EYS: variants seen among roughly 807,000 people sequenced by gnomAD.
The protein encoded by EYS is EGF-like photoreceptor maintenance factor.
Under a neutral mutation model 282.1 loss-of-function variants are expected in EYS, and 250 were observed. The observed-to-expected ratio is 0.89, with a 90% CI of 0.80 to 0.98. The LOEUF (loss-of-function observed/expected upper bound fraction) is 0.98, where lower values mean the gene tolerates loss of function less well. Among genes scored for constraint, EYS ranks in the 50% least tolerant of loss-of-function variants. The pLI is 0.00. For missense variants in EYS, 4,016 were observed against 3,709.0 expected (o/e 1.08, Z -2.15); for synonymous variants, 1,355 against 1,282.9 (o/e 1.06, Z -1.20).
At position 64,403,579 on chromosome 6, in the gene EYS, G is replaced by C. The variant is rs1005592761; in HGVS notation, c.5928-14739C>G. 3.3e-5 allele frequency among the ~76,000 whole-genome samples: 5 copies of C among 152,054 alleles called. No homozygotes were observed. In the East Asian group the frequency reaches 7.7e-4, roughly 24 times the overall value. ...TCACCATATTGGCCAGGCTGGTCTC[G>C]GACTCCTGACCTTGTGATCTGCCTG... On this transcript the variant is annotated intron_variant, in intron 28 of 42. Transcript: ENST00000503581.
chr6:65,020,682 G>A (rs1434705711), intron 13 of EYS, among the ~76,000 whole-genome samples: 1 of 152,140 alleles, frequency 6.6e-6, no homozygotes, highest in Non-Finnish European at 1.5e-5. Context: ...ATTCTGTGTG[G>A]GGGCTCCAAC....
intron 12 of EYS, among the ~76,000 whole-genome samples, chr6:65,116,664 G>C (rs1357125168): frequency 6.6e-6 from 1 of 152,000 alleles, no homozygotes; most frequent in African/African-American, 2.4e-5. Flanking sequence ...GGTAAATGAA[G>C]CTGCTTTTAA....
At chr6:64,220,360 T>C (rs367662030) in intron 31 of EYS, among the ~76,000 whole-genome samples, 2 of 152,274 alleles carry the variant, frequency 1.3e-5, no homozygotes, top group African/African-American at 4.8e-5. Context: ...AGTTATAGTT[T>C]ACATATTTTG....
chr6:64,321,640 G>T (rs1770222968), intron 29 of EYS, among the ~76,000 whole-genome samples: 1 of 151,766 alleles, frequency 6.6e-6, no homozygotes, highest in Non-Finnish European at 1.5e-5. Context: ...TCATTCCAAG[G>T]CTTGGGAACT....
At chr6:64,050,246 CCT>C in intron 33 of EYS, among the ~76,000 whole-genome samples, 1 of 152,260 alleles carries the variant, frequency 6.6e-6, no homozygotes, top group Non-Finnish European at 1.5e-5. Flanking sequence ...GGAATTCTCT[CCT>C]GACTCTTTTA....
At chr6:63,781,181 G>T (rs1043787092) in intron 39 of EYS, among the ~76,000 whole-genome samples, 1 of 152,198 alleles carries the variant, frequency 6.6e-6, no homozygotes, top group Non-Finnish European at 1.5e-5. Context: ...GTCACGTAGC[G>T]TGATGCCTCC....
chr6:63,979,887 C>T (rs1767009609), intron 35 of EYS, among the ~76,000 whole-genome samples: 2 of 151,872 alleles, frequency 1.3e-5, no homozygotes, highest in African/African-American at 2.4e-5. Flanking sequence ...TGATGGTACT[C>T]AAAGCAGAAT....
At chr6:64,530,097 A>G (rs1764279913) in intron 26 of EYS, among the ~76,000 whole-genome samples, 1 of 152,084 alleles carries the variant, frequency 6.6e-6, no homozygotes, top group South Asian at 2.1e-4. Flanking sequence ...TATTTATTTT[A>G]CTTAAGTCAT....
intron 31 of EYS, among the ~76,000 whole-genome samples, chr6:64,140,859 A>G (rs1774317491): frequency 1.3e-5 from 2 of 152,126 alleles, no homozygotes; most frequent in South Asian, 2.1e-4. Flanking sequence ...CCTTCATGAA[A>G]CCATCCTCAA....
At chr6:64,517,753 A>G (rs1036558478) in intron 26 of EYS, among the ~76,000 whole-genome samples, 1 of 151,914 alleles carries the variant, frequency 6.6e-6, no homozygotes, top group Non-Finnish European at 1.5e-5. Flanking sequence ...TACTTTTACT[A>G]GTATACTCTA....
intron 11 of EYS, among the ~76,000 whole-genome samples, chr6:65,327,133 T>G (rs1769644192): frequency 6.6e-6 from 1 of 151,650 alleles, no homozygotes; most frequent in Admixed American, 6.6e-5. Flanking sequence ...TAAAGCTAAA[T>G]AAAAACTACT....
chr6:65,153,021 G>A (rs547548485), intron 12 of EYS, among the ~76,000 whole-genome samples: 19 of 149,822 alleles, frequency 1.3e-4, no homozygotes, highest in Non-Finnish European at 2.2e-4. Flanking sequence ...CTTGCCTCCC[G>A]TGTTCATGTC....
chr6:64,616,562 T>A (rs1767281992), intron 24 of EYS, among the ~76,000 whole-genome samples: 1 of 152,118 alleles, frequency 6.6e-6, no homozygotes, highest in African/African-American at 2.4e-5. Context: ...ATTATTTTTT[T>A]CTATGTAATT....
At chr6:64,835,361 G>A (rs1027873214) in intron 19 of EYS, among the ~76,000 whole-genome samples, 6 of 151,602 alleles carry the variant, frequency 4.0e-5, no homozygotes, top group African/African-American at 1.5e-4. Flanking sequence ...TGTTGAGGGA[G>A]CTGTTGAAAT....
At chr6:65,379,404 C>T (rs373596572) in intron 8 of EYS, among the ~76,000 whole-genome samples, 4 of 151,948 alleles carry the variant, frequency 2.6e-5, no homozygotes, top group Non-Finnish European at 4.4e-5. Flanking sequence ...AGGCCTTCGA[C>T]GAAATTCAAC....
At chr6:64,605,104 T>A (rs1766881914) in intron 24 of EYS, among the ~76,000 whole-genome samples, 1 of 152,030 alleles carries the variant, frequency 6.6e-6, no homozygotes, top group Admixed American at 6.6e-5. Flanking sequence ...TATTTCTTAT[T>A]GAATATTGAT....
intron 5 of EYS, among the ~76,000 whole-genome samples, chr6:65,420,617 G>T (rs958288492): frequency 6.6e-6 from 1 of 151,102 alleles, no homozygotes; most frequent in Non-Finnish European, 1.5e-5. Flanking sequence ...CTAGAATGGT[G>T]AATTCTTTCC....
At chr6:65,282,914 A>C (rs1157048293) in intron 12 of EYS, among the ~76,000 whole-genome samples, 1 of 151,928 alleles carries the variant, frequency 6.6e-6, no homozygotes, top group African/African-American at 2.4e-5. Flanking sequence ...TTCATTTCTC[A>C]AAAAGTTTCA....
chr6:64,896,545 GT>G (rs796873824), intron 18 of EYS, among the ~76,000 whole-genome samples: 5,868 of 85,066 alleles, frequency 0.069, 163 homozygotes, highest in East Asian at 0.16. Flanking sequence ...AGGAGTTGTT[GT>G]TTTTTTTTTT....
Sources: gnomAD v4.1 joint callset for allele counts (sites outside exome capture counted in the v4.1 genomes callset) on GRCh38, gnomAD v4.1.1 for gene constraint, MANE v1.5 for transcripts, NCBI Gene and HGNC (gene_info 2026-07-23, HGNC 2026-07-21) for gene names.